The following AEBP2 variants were observed in gnomAD, a reference collection of about 807,000 sequenced individuals.
AEBP2 encodes the protein AE binding protein 2.
A neutral mutation model predicts 50.8 loss-of-function variants in AEBP2; 10 were observed. The observed-to-expected ratio is 0.20, with a 90% CI of 0.12 to 0.33. The LOEUF (loss-of-function observed/expected upper bound fraction) is 0.33. AEBP2 is among the 10% of genes least tolerant of loss of function. The pLI, the probability that AEBP2 is intolerant of heterozygous loss-of-function variation, is 1.00. For missense variants in AEBP2, 570 were observed against 688.0 expected (o/e 0.83, Z 1.92); for synonymous variants, 296 against 261.3 (o/e 1.13, Z -1.28).
chr12:19,414,084 T>G (rs2095740902), intron 1 of AEBP2, among the ~76,000 whole-genome samples: 1 of 151,872 alleles, frequency 6.6e-6, no homozygotes, highest in Non-Finnish European at 1.5e-5. Context: ...AGTAGAGATG[T>G]GGTTTCACCA....
At chr12:19,436,152 C>T (rs1947859772), upstream of AEBP2, among the ~76,000 whole-genome samples, 1 of 152,148 alleles carries the variant, frequency 6.6e-6, no homozygotes, top group Non-Finnish European at 1.5e-5. Context: ...GACCTCTGGT[C>T]ATCGTAGCTA....
chr12:19,460,816 G>A (rs1253881486), intron 1 of AEBP2, among the ~76,000 whole-genome samples: 1 of 151,908 alleles, frequency 6.6e-6, no homozygotes, highest in African/African-American at 2.4e-5. Context: ...TACCATGCCT[G>A]GCTAATTTTT....
chr12:19,488,329 T>C (rs1948844790), intron 3 of AEBP2, among the ~76,000 whole-genome samples: 1 of 148,734 alleles, frequency 6.7e-6, no homozygotes, highest in Non-Finnish European at 1.5e-5. Flanking sequence ...GGTTTTGCCA[T>C]GTTGGCTAGG....
chr12:19,439,405 CA>C (rs1391262123), upstream of AEBP2, among the ~76,000 whole-genome samples: 10 of 118,210 alleles, frequency 8.5e-5, no homozygotes, highest in South Asian at 2.6e-3. Context: ...GGGCACTGGG[CA>C]GCGGGGCGGG....
At chr12:19,509,047 G>A (rs1490460388) in intron 5 of AEBP2, 5 of 586,758 alleles carry the variant, frequency 8.5e-6, no homozygotes, top group African/African-American at 3.7e-5. Context: ...CATGTGGCAT[G>A]TGCCCAGGCA....
rs1351701124 is a variant in AEBP2, at chr12:19,520,649, A to G, written c.*2532A>G. On this transcript the variant is annotated 3_prime_UTR_variant, in exon 8 of 8. Coordinates refer to ENST00000266508, the MANE Select transcript of AEBP2 (RefSeq NM_153207.5). ...TAAGTCTGTTGTCCAGAATTTATGT[A>G]TTGTTCAGCATCAAGCAAACTACAG... is the stretch of plus-strand genomic sequence containing the variant. The G allele has an allele frequency of 1.3e-5, 2 of 152,140 alleles. No homozygotes were observed. The highest frequency in any genetic ancestry group is 4.8e-5 in the African/African-American group (2 of 41,428). The allele number at this position is 152,140 out of a possible 1,614,324, so 9.4% of individuals were successfully genotyped here. A position where few individuals can be genotyped will look rare whatever the true frequency, so the allele number is the denominator to read the frequency against.
At chr12:19,491,281 A>G (rs16915534) in intron 3 of AEBP2, among the ~76,000 whole-genome samples, 1 of 152,152 alleles carries the variant, frequency 6.6e-6, no homozygotes, top group Admixed American at 6.5e-5. Context: ...AAAATTCTTG[A>G]TGCAGCCTAT....
chr12:19,518,088 A>G lies in AEBP2; in HGVS notation c.1483A>G (p.Thr495Ala). 1 of 1,598,896 alleles carries G rather than the reference A, an allele frequency of 6.3e-7. No individual in the cohort carries two copies. The highest frequency in any genetic ancestry group is 8.5e-7 in the Non-Finnish European group (1 of 1,172,338). The change falls in exon 8 of 8, where the codon ACA becomes GCA. Residue 495 changes from threonine to alanine, a missense_variant and splice_region_variant. Around this residue, in one of 2 missense-constraint regions of AEBP2, gnomAD observed 184 missense variants for 351.2 expected, o/e 0.52. Coordinates refer to ENST00000266508, the MANE Select transcript of AEBP2 (RefSeq NM_153207.5). ...GGATTTCTTTTTCTCTTTTTCTAGA[A>G]CAATGCCGCAGAAGAGGTTGAAGAG... is the stretch of plus-strand genomic sequence containing the variant. ...ALLLDPNIYR[T>A]MPQKRLKR
At chr12:19,450,667 C>CA (rs377612745) in intron 1 of AEBP2, among the ~76,000 whole-genome samples, 59,129 of 119,362 alleles carry the variant, frequency 0.5, 14,239 homozygotes, top group Non-Finnish European at 0.57. Flanking sequence ...CCATCTCTAC[C>CA]AAAAAAAAAA....
chr12:19,422,312 G>A (rs1052096832), intron 1 of AEBP2, among the ~76,000 whole-genome samples: 5 of 151,946 alleles, frequency 3.3e-5, no homozygotes, highest in South Asian at 2.1e-4. Flanking sequence ...ATCTACACTC[G>A]AAAGGAAGTT....
chr12:19,510,365 G>A (rs1319936178), intron 5 of AEBP2, among the ~76,000 whole-genome samples: 1 of 152,120 alleles, frequency 6.6e-6, no homozygotes, highest in Admixed American at 6.5e-5. Flanking sequence ...TGTGGGGGAG[G>A]GGCAACGCAG....
chr12:19,486,689 G>A (rs1948814867), intron 3 of AEBP2, among the ~76,000 whole-genome samples: 1 of 151,972 alleles, frequency 6.6e-6, no homozygotes, highest in Admixed American at 6.6e-5. Context: ...GACCATCTTT[G>A]GCTACTATTA....
At chr12:19,474,007 G>A (rs1024953610) in intron 3 of AEBP2, among the ~76,000 whole-genome samples, 1 of 151,646 alleles carries the variant, frequency 6.6e-6, no homozygotes, top group South Asian at 2.1e-4. Flanking sequence ...TAAAGGTTTC[G>A]GCATTTTCAT....
chr12:19,426,060 T>C (rs6486955), intron 1 of AEBP2, among the ~76,000 whole-genome samples: 82,323 of 151,830 alleles, frequency 0.54, 23,178 homozygotes, highest in Non-Finnish European at 0.64. Context: ...CTCAGCCTCC[T>C]GAGTAGCTGG....
intron 2 of AEBP2, among the ~76,000 whole-genome samples, chr12:19,467,282 G>C (rs1948493788): frequency 6.6e-6 from 1 of 151,920 alleles, no homozygotes; most frequent in African/African-American, 2.4e-5. Context: ...CAGGCAAAGA[G>C]AGAATCAAAC....
rs57103167 is a variant in AEBP2 at position 19,509,820 on chromosome 12, C to CTT, written c.1300-2553_1300-2552dup. On this transcript the variant is annotated intron_variant, in intron 5 of 7. Coordinates refer to ENST00000266508, the MANE Select transcript of AEBP2 (RefSeq NM_153207.5). ...ATAATATTAGTAACATGGCTACTTT[C>CTT]TTTTTTTTTTTTTTTTTTTTTTTTT... Among the ~76,000 whole-genome samples, 369 of 68,778 alleles carry CTT rather than the reference C, an allele frequency of 5.4e-3. 56 individuals carry two copies. The highest frequency in any genetic ancestry group is 0.019 in the African/African-American group (334 of 17,148). 45.1% of individuals were successfully genotyped at this position (68,778 alleles called of 152,430 possible).
Position 19,448,932 on chromosome 12 carries a change from G to T in AEBP2, c.671+8562G>T, listed in dbSNP as rs904466042. On this transcript the variant is annotated intron_variant, in intron 1 of 7. Coordinates refer to ENST00000266508, the MANE Select transcript of AEBP2 (RefSeq NM_153207.5). ...TGAGCTCAAGCAGTCCTCCCACCTTGGCCTCCCAAAGTGCAGGGATTACAG... is the reference window on the plus strand; with the variant it reads ...TGAGCTCAAGCAGTCCTCCCACCTTTGCCTCCCAAAGTGCAGGGATTACAG... Among the ~76,000 whole-genome samples, 17 of 152,078 alleles carry T rather than the reference G, an allele frequency of 1.1e-4. 1 individual carries two copies. The highest frequency in any genetic ancestry group is 9.8e-4 in the Admixed American group (15 of 15,266).
intron 1 of AEBP2, among the ~76,000 whole-genome samples, chr12:19,451,011 T>G (rs956893256): frequency 6.6e-6 from 1 of 152,184 alleles, no homozygotes; most frequent in African/African-American, 2.4e-5. Flanking sequence ...ATTACTGTTT[T>G]GCACTTGTTT....
intron 1 of AEBP2, among the ~76,000 whole-genome samples, chr12:19,430,088 T>C (rs2095750658): frequency 6.6e-6 from 1 of 152,142 alleles, no homozygotes; most frequent in Non-Finnish European, 1.5e-5. Flanking sequence ...TAGGTTTTCT[T>C]CTAGGGTTTT....
Sources: allele counts gnomAD v4.1 joint callset (sites outside exome capture counted in the v4.1 genomes callset), GRCh38; gene constraint gnomAD v4.1.1; regional missense constraint gnomAD v4.1.1; transcripts MANE v1.5; gene names NCBI Gene and HGNC (gene_info 2026-07-23, HGNC 2026-07-21).